Variants in SYCP2L observed in about 807,000 individuals in gnomAD.
The protein encoded by SYCP2L is synaptonemal complex protein 2-like.
SYCP2L carries 98 observed loss-of-function variants against 125.8 expected under a neutral mutation model. That is an observed-to-expected ratio of 0.78 (90% CI 0.66 to 0.92). The LOEUF (loss-of-function observed/expected upper bound fraction) is 0.92. Among genes scored for constraint, SYCP2L ranks in the 40% least tolerant of loss-of-function variants. The probability of loss-of-function intolerance (pLI) is 0.00; values close to 1 mark genes in which losing one functional copy is unlikely to be tolerated. For missense variants in SYCP2L, 842 were observed against 936.4 expected, an observed-to-expected ratio of 0.90 and a Z score of 1.32; for synonymous variants, 317 against 325.4, an observed-to-expected ratio of 0.97 and a Z score of 0.28.
In SYCP2L at chr6:10,963,595, A is replaced by C. The variant is rs138752837; in HGVS notation, c.2415-187A>C. Among the ~76,000 whole-genome samples, 37 of 152,310 alleles carry C rather than the reference A, an allele frequency of 2.4e-4. No homozygotes were observed. The East Asian group carries it at 5.0e-3, about 21-fold the overall frequency. On this transcript the variant is annotated intron_variant, in intron 28 of 29. Coordinates refer to ENST00000283141, the MANE Select transcript of SYCP2L (RefSeq NM_001040274.3). Reference sequence around the variant, plus strand: ...GTGGGTCTGTGGTACTGACAGAGAGAATGCATAAAATGGAATCAGATGAAC... The same window carrying C: ...GTGGGTCTGTGGTACTGACAGAGAGCATGCATAAAATGGAATCAGATGAAC...
At chr6:10,941,341 AAACC>A (rs1403502057) in intron 21 of SYCP2L, among the ~76,000 whole-genome samples, 1 of 152,254 alleles carries the variant, frequency 6.6e-6, no homozygotes, top group East Asian at 1.9e-4. Flanking sequence ...ACAGCAAAAG[AAACC>A]ACCATCAGAG....
intron 25 of SYCP2L, among the ~76,000 whole-genome samples, chr6:10,957,377 G>T (rs1282783750): frequency 6.6e-6 from 1 of 152,134 alleles, no homozygotes; most frequent in Non-Finnish European, 1.5e-5. Flanking sequence ...GCCCCAGTGG[G>T]ACCAAGTGGA....
At chr6:10,924,418 G>A in intron 14 of SYCP2L, 78 bp from the exon 15 acceptor site, 1 of 1,216,582 alleles carries the variant, frequency 8.2e-7, no homozygotes, top group Non-Finnish European at 1.1e-6. Flanking sequence ...CCCTAGCGTA[G>A]TTATTTAAAA....
At chr6:10,888,692 T>G (rs1034661611) in intron 1 of SYCP2L, among the ~76,000 whole-genome samples, 14 of 152,070 alleles carry the variant, frequency 9.2e-5, no homozygotes, top group African/African-American at 1.9e-4. Context: ...GAAGGAGAGA[T>G]AGGGCCGTGT....
intron 14 of SYCP2L, among the ~76,000 whole-genome samples, chr6:10,921,915 C>T (rs545806418): frequency 1.6e-4 from 24 of 152,166 alleles, no homozygotes; most frequent in African/African-American, 5.8e-4. Flanking sequence ...ACCGTGTTAG[C>T]CAGGATGGTC....
intron 26 of SYCP2L, 25 bp from the exon 27 acceptor site, chr6:10,961,280 T>C: frequency 6.3e-7 from 1 of 1,584,914 alleles, no homozygotes; most frequent in East Asian, 2.2e-5. Flanking sequence ...ATCCCAATGA[T>C]ATTTACTGCT....
Position 10,935,059 on chromosome 6 carries a change from C to T in SYCP2L, c.1685C>T (p.Ala562Val). The T allele has an allele frequency of 1.9e-6, 3 of 1,598,538 alleles. No homozygotes were observed. The highest frequency in any genetic ancestry group is 2.6e-6 in the Non-Finnish European group (3 of 1,174,964). ...SSGSGHEKDQ[A>V]KLLSPSEKEI... ...CTTAAAAAAGATACTATATTTTAGG[C>T]TAAGCTTCTATCACCATCAGAGAAA... The change falls in exon 21 of 30, where the codon GCT becomes GTT. Residue 562 changes from alanine to valine, a missense_variant and splice_region_variant. Transcript: ENST00000283141.
At chr6:10,919,321 G>T (rs527533935) in intron 14 of SYCP2L, among the ~76,000 whole-genome samples, 1 of 152,116 alleles carries the variant, frequency 6.6e-6, no homozygotes, top group Non-Finnish European at 1.5e-5. Context: ...CCTGAGAGCC[G>T]AGCCGTAGGG....
intron 23 of SYCP2L, among the ~76,000 whole-genome samples, chr6:10,951,756 A>G (rs1371869775): frequency 6.6e-6 from 1 of 152,216 alleles, no homozygotes; most frequent in African/African-American, 2.4e-5. Context: ...ATCATTGTTT[A>G]CCACAGGGTG....
At chr6:10,923,455 G>A (rs1780837095) in intron 14 of SYCP2L, among the ~76,000 whole-genome samples, 1 of 137,496 alleles carries the variant, frequency 7.3e-6, no homozygotes, top group Non-Finnish European at 1.5e-5. Context: ...GCATGATCTC[G>A]GCTCATTGCA....
At chr6:10,891,367 A>G in intron 1 of SYCP2L, 146 bp from the exon 2 acceptor site, 1 of 622,704 alleles carries the variant, frequency 1.6e-6, no homozygotes, top group South Asian at 2.1e-5. Context: ...ACTTAGACCT[A>G]TAATATGAGC....
intron 1 of SYCP2L, 142 bp from the exon 2 acceptor site, chr6:10,891,371 T>C (rs1378460923): frequency 3.1e-6 from 2 of 643,146 alleles, no homozygotes; most frequent in Non-Finnish European, 5.3e-6. Context: ...AGACCTATAA[T>C]ATGAGCAAAC....
chr6:10,909,541 G>A (rs1581821861), intron 10 of SYCP2L, among the ~76,000 whole-genome samples: 1 of 152,240 alleles, frequency 6.6e-6, no homozygotes, highest in South Asian at 2.1e-4. Flanking sequence ...CTAACAAAAG[G>A]GAACAAAAAC....
chr6:10,897,039 T>G (rs1033527093), intron 4 of SYCP2L, among the ~76,000 whole-genome samples: 1 of 137,186 alleles, frequency 7.3e-6, no homozygotes, highest in Non-Finnish European at 1.6e-5. Flanking sequence ...GGAGTTTTTC[T>G]AATTTTTTTT....
chr6:10,973,474 G>A (rs9379985), intron 29 of SYCP2L, among the ~76,000 whole-genome samples: 1 of 152,208 alleles, frequency 6.6e-6, no homozygotes, highest in East Asian at 1.9e-4. Flanking sequence ...AGAGGTTGCA[G>A]TAAGCCAAGA....
At chr6:10,929,521 T>G (rs1780954676) in intron 18 of SYCP2L, among the ~76,000 whole-genome samples, 1 of 152,202 alleles carries the variant, frequency 6.6e-6, no homozygotes, top group South Asian at 2.1e-4. Flanking sequence ...CAGAAAAATT[T>G]TAAAAATATA....
rs528336733 is a variant in SYCP2L, at chr6:10,927,376, T to C, written c.1440+9T>C. The stretch of plus-strand genomic sequence containing the variant: ...CTGCCTCTGATAGTCACGTAGGTTC[T>C]TTTCTATTTTCCCTAAGCATCGGCC... On this transcript the variant is annotated intron_variant, in intron 17 of 29. Transcript: ENST00000283141. 4 of 1,600,914 alleles carry C rather than the reference T, an allele frequency of 2.5e-6. No homozygotes were observed. Among genetic ancestry groups the C allele is most frequent in the African/African-American group, 2.7e-5 (2 of 74,652 alleles).
chr6:10,960,535 A>G (rs955486458), intron 26 of SYCP2L, among the ~76,000 whole-genome samples: 1 of 152,226 alleles, frequency 6.6e-6, no homozygotes, highest in African/African-American at 2.4e-5. Flanking sequence ...AAATTAACAA[A>G]TAAGCAAATA....
At chr6:10,963,114 G>A (rs72823375) in intron 28 of SYCP2L, among the ~76,000 whole-genome samples, 1 of 152,288 alleles carries the variant, frequency 6.6e-6, no homozygotes, top group Non-Finnish European at 1.5e-5. Context: ...ACTTTAAGAT[G>A]TTAATTACTA....
Sources: gnomAD v4.1 joint callset for allele counts (sites outside exome capture counted in the v4.1 genomes callset) on GRCh38, gnomAD v4.1.1 for gene constraint, MANE v1.5 for transcripts, NCBI Gene and HGNC (gene_info 2026-07-23, HGNC 2026-07-21) for gene names.